The following AOPEP variants were observed in gnomAD, a reference collection of about 807,000 sequenced individuals.
AOPEP encodes aminopeptidase O.
In AOPEP, 77 loss-of-function variants were observed where a neutral mutation model predicts 98.1. The ratio of observed to expected loss-of-function variants is 0.78; its 90% CI spans 0.65 to 0.95. The LOEUF (loss-of-function observed/expected upper bound fraction) is 0.95. AOPEP is among the 40% of genes least tolerant of loss of function. AOPEP has a pLI of 0.00. For synonymous variants in AOPEP, 346 were observed against 365.3 expected (o/e 0.95, Z 0.60); for missense variants, 1,024 against 1,024.7 (o/e 1.00, Z 0.01).
At chr9:95,077,497 A>G (rs938315686) in intron 14 of AOPEP, among the ~76,000 whole-genome samples, 4 of 152,102 alleles carry the variant, frequency 2.6e-5, no homozygotes, top group Admixed American at 2.6e-4. Context: ...GTCCCTGTTT[A>G]TTTTTATTCT....
chr9:95,040,613 C>G (rs967597973), intron 13 of AOPEP, among the ~76,000 whole-genome samples: 1 of 152,208 alleles, frequency 6.6e-6, no homozygotes, highest in African/African-American at 2.4e-5. Flanking sequence ...GACCTTTCTC[C>G]CTCCCCTCCT....
chr9:94,956,420 T>TTCATTG (rs1415535630), intron 9 of AOPEP, among the ~76,000 whole-genome samples: 2 of 152,230 alleles, frequency 1.3e-5, no homozygotes, highest in African/African-American at 4.8e-5. Flanking sequence ...TTCCATTGCC[T>TTCATTG]TCATTGTCAT....
chr9:94,895,674 C>T (rs1280271086), intron 5 of AOPEP, among the ~76,000 whole-genome samples: 3 of 151,922 alleles, frequency 2.0e-5, no homozygotes, highest in African/African-American at 4.8e-5. Flanking sequence ...CTGCAGCCTC[C>T]GCCTCCTGGG....
At chr9:94,826,484 C>T (rs1262728326) in intron 5 of AOPEP, among the ~76,000 whole-genome samples, 1 of 152,174 alleles carries the variant, frequency 6.6e-6, no homozygotes, top group South Asian at 2.1e-4. Flanking sequence ...GAGTTTGCCT[C>T]TCTAGGAATC....
the AOPEP span, chr9:95,110,957 TC>T: frequency 7.2e-7 from 1 of 1,392,818 alleles, no homozygotes; most frequent in East Asian, 2.6e-5. Flanking sequence ...GTTAATATCA[TC>T]TGATTACTTT....
At chr9:95,145,861 G>A in the AOPEP span, among the ~76,000 whole-genome samples, 5 of 151,982 alleles carry the variant, frequency 3.3e-5, no homozygotes, top group Admixed American at 1.3e-4. Context: ...GAAAACAACC[G>A]TATTATTTCA....
chr9:95,010,825 G>A (rs2062445268), intron 13 of AOPEP, among the ~76,000 whole-genome samples: 1 of 152,116 alleles, frequency 6.6e-6, no homozygotes, highest in Non-Finnish European at 1.5e-5. Flanking sequence ...ATGGGGGGAG[G>A]CAGAATAATT....
At chr9:95,045,011 A>G (rs949484450) in intron 13 of AOPEP, among the ~76,000 whole-genome samples, 3 of 152,132 alleles carry the variant, frequency 2.0e-5, no homozygotes, top group Admixed American at 6.5e-5. Context: ...TTTTATATTC[A>G]TGCTCAGAAA....
At chr9:95,117,041 C>A in the AOPEP span, among the ~76,000 whole-genome samples, 9 of 152,336 alleles carry the variant, frequency 5.9e-5, no homozygotes, top group South Asian at 6.2e-4. Flanking sequence ...CCAGAAGAGC[C>A]TGTGTTATCT....
At chr9:95,007,197 G>C (rs866449222) in intron 13 of AOPEP, among the ~76,000 whole-genome samples, 2 of 152,116 alleles carry the variant, frequency 1.3e-5, no homozygotes, top group Non-Finnish European at 2.9e-5. Flanking sequence ...ACTGCACCCT[G>C]CCAGCTGTTA....
At chr9:95,075,116 C>T (rs890051203) in intron 14 of AOPEP, among the ~76,000 whole-genome samples, 2 of 152,146 alleles carry the variant, frequency 1.3e-5, no homozygotes, top group African/African-American at 4.8e-5. Context: ...CTCCCTCGCC[C>T]CTTTGGTCAT....
downstream of AOPEP, among the ~76,000 whole-genome samples, chr9:95,091,245 G>T (rs1292392732): frequency 6.6e-6 from 1 of 152,168 alleles, no homozygotes; most frequent in African/African-American, 2.4e-5. Flanking sequence ...GGTGAGGGGA[G>T]GTGCTGGCAG....
At chr9:94,875,491 A>G (rs2046844150) in intron 5 of AOPEP, among the ~76,000 whole-genome samples, 2 of 152,178 alleles carry the variant, frequency 1.3e-5, no homozygotes, top group Admixed American at 6.5e-5. Context: ...AACAGAAGTA[A>G]GGTAGAGAAA....
the AOPEP span, among the ~76,000 whole-genome samples, chr9:95,146,092 T>C: frequency 6.6e-6 from 1 of 152,168 alleles, no homozygotes; most frequent in African/African-American, 2.4e-5. Context: ...AATTTTAAGA[T>C]GTAATAATGG....
intron 13 of AOPEP, among the ~76,000 whole-genome samples, chr9:95,020,634 A>G (rs1188858134): frequency 6.6e-6 from 1 of 151,852 alleles, no homozygotes; most frequent in Non-Finnish European, 1.5e-5. Flanking sequence ...AAAGAAATAT[A>G]GGGCCAGGCA....
At chr9:95,019,033 C>T (rs969103124) in intron 13 of AOPEP, 4 of 151,886 alleles carry the variant, frequency 2.6e-5, no homozygotes, top group Non-Finnish European at 4.4e-5. Flanking sequence ...TATTTATAGA[C>T]GTTAAAAAAA....
the AOPEP span, chr9:95,114,601 G>A: frequency 1.3e-6 from 2 of 1,593,062 alleles, no homozygotes; most frequent in Non-Finnish European, 1.7e-6. Flanking sequence ...GTGTGAAGTA[G>A]ATTTGGGAGT....
intron 5 of AOPEP, among the ~76,000 whole-genome samples, chr9:94,852,653 G>A (rs1346709688): frequency 6.6e-6 from 1 of 152,208 alleles, no homozygotes; most frequent in Non-Finnish European, 1.5e-5. Flanking sequence ...ATACCCCAAA[G>A]TCAGTTAGGT....
At chr9:94,992,793 G>T (rs542865469) in intron 11 of AOPEP, among the ~76,000 whole-genome samples, 3 of 152,226 alleles carry the variant, frequency 2.0e-5, no homozygotes, top group Admixed American at 2.0e-4. Flanking sequence ...GTACCTGGTC[G>T]CATCTGAGAG....
Sources: gnomAD v4.1 joint callset for allele counts (sites outside exome capture counted in the v4.1 genomes callset) on GRCh38, gnomAD v4.1.1 for gene constraint, MANE v1.5 for transcripts, NCBI Gene and HGNC (gene_info 2026-07-23, HGNC 2026-07-21) for gene names.